The following NBAS variants were observed in gnomAD, a reference collection of about 807,000 sequenced individuals.
NBAS encodes NAG/BC035112 fusion.
NBAS carries 219 observed loss-of-function variants against 302.5 expected under a neutral mutation model. The ratio of observed to expected loss-of-function variants is 0.72; its 90% CI spans 0.65 to 0.81. The LOEUF (loss-of-function observed/expected upper bound fraction) is 0.81, where lower values mean the gene tolerates loss of function less well. Among genes scored for constraint, NBAS ranks in the 30% least tolerant of loss-of-function variants. NBAS has a pLI of 0.00. For missense variants in NBAS, 2,932 were observed against 2,841.6 expected, an observed-to-expected ratio of 1.03 and a Z score of -0.72; for synonymous variants, 1,118 against 1,021.6, an observed-to-expected ratio of 1.09 and a Z score of -1.80.
chr2:15,286,088 C>T (rs1476613679), intron 42 of NBAS, among the ~76,000 whole-genome samples: 2 of 152,202 alleles, frequency 1.3e-5, no homozygotes, highest in Non-Finnish European at 2.9e-5. Flanking sequence ...GACACCTCCC[C>T]TTTTACTCAC....
the NBAS span, among the ~76,000 whole-genome samples, chr2:14,934,120 A>G: frequency 6.6e-6 from 1 of 152,212 alleles, no homozygotes. Flanking sequence ...TGGAAAGGCT[A>G]GATCATTTTG....
chr2:14,836,210 T>C, the NBAS span, among the ~76,000 whole-genome samples: 4 of 151,978 alleles, frequency 2.6e-5, no homozygotes, highest in Non-Finnish European at 5.9e-5. Context: ...GTTATTTACA[T>C]GTACTCTCAC....
At chr2:15,284,914 G>A (rs1669971449) in intron 42 of NBAS, among the ~76,000 whole-genome samples, 1 of 152,100 alleles carries the variant, frequency 6.6e-6, no homozygotes, top group African/African-American at 2.4e-5. Context: ...AGTGCTACCA[G>A]GTATAATGAT....
intron 44 of NBAS, among the ~76,000 whole-genome samples, chr2:15,242,642 TA>T (rs897427462): frequency 2.4e-4 from 36 of 150,442 alleles, no homozygotes; most frequent in Non-Finnish European, 4.7e-4. Context: ...TGTACCAGAG[TA>T]AAAAAAATGG....
chr2:14,910,854 A>C, the NBAS span, among the ~76,000 whole-genome samples: 1 of 152,354 alleles, frequency 6.6e-6, no homozygotes, highest in Admixed American at 6.5e-5. Flanking sequence ...GGCTTTCAAA[A>C]TAAGAGCCTT....
chr2:15,494,632 G>C (rs1234670106), intron 11 of NBAS, among the ~76,000 whole-genome samples: 2 of 152,044 alleles, frequency 1.3e-5, no homozygotes, highest in Non-Finnish European at 2.9e-5. Flanking sequence ...CACTTTATAT[G>C]CTCCCTGAGT....
intron 9 of NBAS, among the ~76,000 whole-genome samples, chr2:15,521,749 C>A (rs1454124622): frequency 1.3e-5 from 2 of 152,144 alleles, no homozygotes; most frequent in African/African-American, 2.4e-5. Flanking sequence ...TTTACACATG[C>A]CTAGAGTTAT....
chr2:14,790,251 T>C, the NBAS span, among the ~76,000 whole-genome samples: 2 of 152,190 alleles, frequency 1.3e-5, no homozygotes, highest in African/African-American at 2.4e-5. Flanking sequence ...TTAAAAATAG[T>C]CTCATTTTCC....
At chr2:15,495,893 T>G (rs1681049271) in intron 11 of NBAS, among the ~76,000 whole-genome samples, 1 of 152,142 alleles carries the variant, frequency 6.6e-6, no homozygotes, top group South Asian at 2.1e-4. Flanking sequence ...CTCAAATGGC[T>G]AAACACAGTT....
At chr2:15,220,172 C>A (rs1332185558) in intron 47 of NBAS, among the ~76,000 whole-genome samples, 101 of 140,690 alleles carry the variant, frequency 7.2e-4, no homozygotes, top group Non-Finnish European at 7.5e-4. Context: ...GCTGGCCGGG[C>A]GGGGGGCTGA....
chr2:14,984,571 C>T, the NBAS span, among the ~76,000 whole-genome samples: 1 of 152,158 alleles, frequency 6.6e-6, no homozygotes, highest in African/African-American at 2.4e-5. Context: ...GTATAGAATG[C>T]ATCTCTAGAT....
At chr2:14,884,145 C>A in the NBAS span, among the ~76,000 whole-genome samples, 1 of 152,072 alleles carries the variant, frequency 6.6e-6, no homozygotes, top group Non-Finnish European at 1.5e-5. Context: ...ATGGTCCAAC[C>A]AGGGATCCTT....
the NBAS span, among the ~76,000 whole-genome samples, chr2:14,915,720 A>G: frequency 2.0e-5 from 3 of 151,846 alleles, no homozygotes; most frequent in Non-Finnish European, 4.4e-5. Context: ...CTGCCACCAC[A>G]CCCAGCTTAT....
At chr2:15,020,405 A>T in the NBAS span, among the ~76,000 whole-genome samples, 1 of 152,222 alleles carries the variant, frequency 6.6e-6, no homozygotes, top group Middle Eastern at 3.2e-3. Flanking sequence ...GCAAAGATGC[A>T]ACAAGAGCTG....
chr2:15,516,722 CAAAA>C lies in NBAS; in HGVS notation c.747-5376_747-5373del, dbSNP rs67488599. On this transcript the variant is annotated intron_variant, in intron 9 of 51. Coordinates refer to ENST00000281513, the MANE Select transcript of NBAS (RefSeq NM_015909.4). Reference sequence around the variant, plus strand: ...TGGGCTACAGAGTGAGACTCCATTTCAAAAAAAAAAAAAAAAAAAAAGACTGGGA... The same window carrying C: ...TGGGCTACAGAGTGAGACTCCATTTCAAAAAAAAAAAAAAAAAGACTGGGA... Among the ~76,000 whole-genome samples the C allele has an allele frequency of 5.4e-3, 729 of 135,986 alleles. 6 individuals are homozygous for C. Among genetic ancestry groups the C allele is most frequent in the African/African-American group, 0.017 (644 of 36,838 alleles). The allele number at this position is 135,986 out of a possible 152,430, so 89.2% of individuals were successfully genotyped here.
chr2:15,439,838 T>C (rs2160698), intron 21 of NBAS, among the ~76,000 whole-genome samples: 96,871 of 152,092 alleles, frequency 0.64, 31,601 homozygotes, highest in Middle Eastern at 0.68. Flanking sequence ...TAAAAAATGG[T>C]GCATCAGGAG....
chr2:15,554,928 A>T (rs147315691), intron 3 of NBAS, among the ~76,000 whole-genome samples: 115 of 152,292 alleles, frequency 7.6e-4, no homozygotes, highest in African/African-American at 2.5e-3. Context: ...CATTCACAAA[A>T]GACACGAAAC....
At chr2:15,462,172 T>C (rs190020314) in intron 19 of NBAS, among the ~76,000 whole-genome samples, 7 of 152,360 alleles carry the variant, frequency 4.6e-5, no homozygotes. Context: ...CTATGTCAAA[T>C]GCAGATTGAA....
chr2:14,929,899 A>C, the NBAS span, among the ~76,000 whole-genome samples: 1 of 152,254 alleles, frequency 6.6e-6, no homozygotes, highest in East Asian at 1.9e-4. Context: ...CAACTGGATC[A>C]TGGGGGCAGA....
Sources: gnomAD v4.1 joint callset for allele counts (sites outside exome capture counted in the v4.1 genomes callset) on GRCh38, gnomAD v4.1.1 for gene constraint, MANE v1.5 for transcripts, NCBI Gene and HGNC (gene_info 2026-07-23, HGNC 2026-07-21) for gene names.